Variants in CA10 observed in about 807,000 individuals in gnomAD.
CA10 encodes carbonic anhydrase-related protein 10.
In CA10, 14 loss-of-function variants were observed where a neutral mutation model predicts 44.2. The ratio of observed to expected loss-of-function variants is 0.32; its 90% CI spans 0.21 to 0.50. The LOEUF (loss-of-function observed/expected upper bound fraction) is 0.50. CA10 is among the 20% of genes least tolerant of loss of function. The pLI is 0.99. For missense variants in CA10, 350 were observed against 409.7 expected (o/e 0.85, Z 1.26); for synonymous variants, 159 against 141.6 (o/e 1.12, Z -0.87).
At chr17:52,062,907 C>T (rs1162461791) in intron 2 of CA10, among the ~76,000 whole-genome samples, 1 of 152,202 alleles carries the variant, frequency 6.6e-6, no homozygotes, top group Non-Finnish European at 1.5e-5. Context: ...ATTATATAGC[C>T]ACTGGCAATG....
chr17:51,717,650 T>C (rs368649538), intron 4 of CA10, among the ~76,000 whole-genome samples: 3,755 of 27,196 alleles, frequency 0.14, 875 homozygotes, highest in Middle Eastern at 0.2. Flanking sequence ...TATATATACA[T>C]ATATACGTAT....
At chr17:52,022,174 A>C (rs1434090652) in intron 2 of CA10, among the ~76,000 whole-genome samples, 1 of 152,072 alleles carries the variant, frequency 6.6e-6, no homozygotes, top group Non-Finnish European at 1.5e-5. Flanking sequence ...ACAAACTACT[A>C]TCCCTGAAGA....
intron 2 of CA10, among the ~76,000 whole-genome samples, chr17:51,934,200 G>A (rs1982775183): frequency 6.6e-6 from 1 of 152,032 alleles, no homozygotes; most frequent in African/African-American, 2.4e-5. Context: ...AGAAATAGAA[G>A]CCACCTTAGA....
chr17:52,137,806 C>A (rs1944841086), intron 1 of CA10, among the ~76,000 whole-genome samples: 1 of 152,176 alleles, frequency 6.6e-6, no homozygotes, highest in African/African-American at 2.4e-5. Context: ...CCCAACCTAG[C>A]TTTAGGAATC....
chr17:51,913,350 T>C (rs1420395930), intron 3 of CA10, among the ~76,000 whole-genome samples: 1 of 152,162 alleles, frequency 6.6e-6, no homozygotes, highest in Non-Finnish European at 1.5e-5. Context: ...AAGACATATA[T>C]GCCTAGGAGA....
chr17:52,131,276 A>C (rs62070288), intron 1 of CA10, among the ~76,000 whole-genome samples: 6 of 152,250 alleles, frequency 3.9e-5, no homozygotes, highest in Non-Finnish European at 8.8e-5. Flanking sequence ...CTTCTAATAT[A>C]TCTGTCAACA....
intron 2 of CA10, among the ~76,000 whole-genome samples, chr17:52,016,175 G>GCAGCTCAGAA: frequency 6.6e-6 from 1 of 152,076 alleles, no homozygotes; most frequent in East Asian, 1.9e-4. Flanking sequence ...GCAGCTCAGA[G>GCAGCTCAGAA]CATCTCCATG....
chr17:51,727,874 T>C (rs1169333323), intron 4 of CA10, among the ~76,000 whole-genome samples: 1 of 152,166 alleles, frequency 6.6e-6, no homozygotes, highest in Non-Finnish European at 1.5e-5. Flanking sequence ...TGCAGAACTT[T>C]TTTTTTTTAA....
rs947174393 is a variant in CA10 at position 52,121,798 on chromosome 17, T to A, written c.61+35928A>T. ...AAATTGTGTTACAAAAGCAAGCCCG[T>A]CTCCCAGACAATCCTGCCCCTGCTG... On this transcript the variant is annotated intron_variant, in intron 1 of 8. Transcript: ENST00000451037. Among the ~76,000 whole-genome samples the A allele has an allele frequency of 7.9e-5, 12 of 152,174 alleles. No homozygotes were observed. The East Asian group carries it at 2.3e-3, about 29-fold the overall frequency.
chr17:51,724,763 ATG>A, intron 4 of CA10, among the ~76,000 whole-genome samples: 1 of 152,276 alleles, frequency 6.6e-6, no homozygotes. Flanking sequence ...AAACTAAACC[ATG>A]CCTATCCCTG....
intron 3 of CA10, among the ~76,000 whole-genome samples, chr17:51,927,588 A>T (rs570782335): frequency 7.2e-5 from 11 of 152,294 alleles, no homozygotes; most frequent in African/African-American, 2.6e-4. Context: ...TTTCATTTTC[A>T]AATTACCAAG....
intron 3 of CA10, among the ~76,000 whole-genome samples, chr17:51,849,239 A>ACATATATGTGTG: frequency 8.3e-6 from 1 of 120,702 alleles, no homozygotes; most frequent in African/African-American, 3.2e-5. Context: ...GTGTGTATAT[A>ACATATATGTGTG]TATATATATA....
At chr17:51,678,645 G>A (rs1914714313) in intron 4 of CA10, among the ~76,000 whole-genome samples, 1 of 152,176 alleles carries the variant, frequency 6.6e-6, no homozygotes, top group Admixed American at 6.5e-5. Flanking sequence ...TAATAACTCA[G>A]TTGCTTCTAA....
intron 2 of CA10, among the ~76,000 whole-genome samples, chr17:51,975,598 T>C (rs1984434636): frequency 1.3e-5 from 2 of 152,208 alleles, no homozygotes; most frequent in African/African-American, 4.8e-5. Flanking sequence ...GAGAATCGTC[T>C]GAACCCGGAG....
At chr17:51,640,210 G>C (rs765552381) in intron 6 of CA10, among the ~76,000 whole-genome samples, 2 of 152,260 alleles carry the variant, frequency 1.3e-5, no homozygotes, top group Non-Finnish European at 2.9e-5. Flanking sequence ...AACACTGCTC[G>C]AATGAACAAA....
intron 3 of CA10, among the ~76,000 whole-genome samples, chr17:51,800,874 C>G (rs1906900844): frequency 6.6e-6 from 1 of 152,098 alleles, no homozygotes; most frequent in South Asian, 2.1e-4. Flanking sequence ...TTGGGGGTAT[C>G]CACCTTTGAC....
intron 3 of CA10, among the ~76,000 whole-genome samples, chr17:51,787,700 G>A (rs1906346145): frequency 6.6e-6 from 1 of 152,052 alleles, no homozygotes. Context: ...GTTTCACCAT[G>A]TTGGTCAGGC....
chr17:52,063,062 G>A (rs190232758), intron 2 of CA10, among the ~76,000 whole-genome samples: 1 of 152,346 alleles, frequency 6.6e-6, no homozygotes, highest in African/African-American at 2.4e-5. Flanking sequence ...CAGGATGCAG[G>A]ACATGGGTCA....
At chr17:51,876,576 G>T (rs1365643114) in intron 3 of CA10, among the ~76,000 whole-genome samples, 1 of 151,938 alleles carries the variant, frequency 6.6e-6, no homozygotes, top group Non-Finnish European at 1.5e-5. Context: ...CAGGATGTTT[G>T]GCAGCATCCT....
Sources: allele counts gnomAD v4.1 joint callset (sites outside exome capture counted in the v4.1 genomes callset), GRCh38; gene constraint gnomAD v4.1.1; transcripts MANE v1.5; gene names NCBI Gene and HGNC (gene_info 2026-07-23, HGNC 2026-07-21).